Variants in NUP160 observed in about 807,000 individuals in gnomAD.
NUP160 encodes nuclear pore complex protein Nup160.
A neutral mutation model predicts 196.9 loss-of-function variants in NUP160; 94 were observed. That is an observed-to-expected ratio of 0.48 (90% CI 0.40 to 0.57). The LOEUF is 0.57. Among genes scored for constraint, NUP160 ranks in the 20% least tolerant of loss-of-function variants. The pLI is 0.00. For synonymous variants in NUP160, 605 were observed against 619.7 expected (o/e 0.98, Z 0.35); for missense variants, 1,638 against 1,748.3 (o/e 0.94, Z 1.13).
intron 23 of NUP160, among the ~76,000 whole-genome samples, chr11:47,799,675 A>C (rs1459922860): frequency 6.6e-6 from 1 of 152,022 alleles, no homozygotes; most frequent in Non-Finnish European, 1.5e-5. Context: ...CCACCTGAGC[A>C]GCTGGGACCA....
At chr11:47,787,065 G>A (rs1053958383) in intron 31 of NUP160, 1 of 145,192 alleles carries the variant, frequency 6.9e-6, no homozygotes, top group Non-Finnish European at 1.5e-5. Flanking sequence ...TGGGATAACA[G>A]GTATGAGCCA....
intron 20 of NUP160, 77 bp from the exon 21 acceptor site, chr11:47,804,695 A>T: frequency 1.0e-6 from 1 of 962,518 alleles, no homozygotes; most frequent in Non-Finnish European, 1.5e-6. Flanking sequence ...AAATTCAGAA[A>T]AGTCCATAAA....
chr11:47,817,868 C>T (rs1851770075), intron 11 of NUP160, among the ~76,000 whole-genome samples, 188 bp downstream of exon 11: 1 of 152,156 alleles, frequency 6.6e-6, no homozygotes, highest in South Asian at 2.1e-4. Flanking sequence ...CCCCTCCAAC[C>T]TCTCCACCAT....
chr11:47,796,274 G>C, intron 27 of NUP160: 1 of 681,188 alleles, frequency 1.5e-6, no homozygotes, highest in Admixed American at 2.0e-5. Context: ...TCAGAAAGCT[G>C]TGGACTCACA....
chr11:47,792,922 C>T, exon 28 of NUP160: 1 of 1,613,790 alleles, frequency 6.2e-7, no homozygotes, highest in Non-Finnish European at 8.5e-7. Flanking sequence ...AAGCCGCATT[C>T]CATACTCAAA....
At chr11:47,819,830 T>C (rs1232373799) in intron 9 of NUP160, among the ~76,000 whole-genome samples, 4 of 152,226 alleles carry the variant, frequency 2.6e-5, no homozygotes, top group African/African-American at 4.8e-5. Flanking sequence ...TTAGACATTA[T>C]TCATGTATGC....
chr11:47,848,031 G>T, intron 1 of NUP160, 72 bp from the exon 2 acceptor site: 2 of 1,350,902 alleles, frequency 1.5e-6, no homozygotes, highest in East Asian at 2.3e-5. Flanking sequence ...AGCTGACAAA[G>T]CAGAGAGTGA....
chr11:47,806,723 G>T (rs1243215057), intron 19 of NUP160, among the ~76,000 whole-genome samples: 1 of 149,184 alleles, frequency 6.7e-6, no homozygotes, highest in East Asian at 2.0e-4. Context: ...AAGTTACCAT[G>T]AACGAATAAA....
At chr11:47,822,050 T>C (rs745835162) in intron 8 of NUP160, 37 bp downstream of exon 8, 2 of 1,349,286 alleles carry the variant, frequency 1.5e-6, no homozygotes, top group Non-Finnish European at 2.1e-6. Context: ...TTCTTTTTCT[T>C]GTACTTATGT....
chr11:47,808,938 AAAAATTAC>A (rs1479644779), intron 17 of NUP160, among the ~76,000 whole-genome samples: 3 of 151,960 alleles, frequency 2.0e-5, no homozygotes, highest in Non-Finnish European at 4.4e-5. Context: ...CGTCTGTAGT[AAAAATTAC>A]AAAAATTAGC....
In NUP160 at chr11:47,801,806, T is replaced by C; in HGVS notation, c.2895+5A>G. The C allele has an allele frequency of 6.2e-7, 1 of 1,613,692 alleles. No homozygotes were observed. Among genetic ancestry groups the C allele is most frequent in the Non-Finnish European group, 8.5e-7 (1 of 1,179,782 alleles). On this transcript the variant is annotated splice_donor_5th_base_variant and intron_variant, in intron 23 of 35. Transcript: ENST00000378460. ...GGTATAAGGCCAAACCAAGACATGA[T>C]GTACCTTGTCATAATACTGCAGCCT...
Position 47,797,969 on chromosome 11 carries a change from T to C in NUP160, c.3183+9A>G, listed in dbSNP as rs1178159465. The C allele has an allele frequency of 6.4e-7, 1 of 1,565,738 alleles. No individual in the cohort carries two copies. Among genetic ancestry groups the C allele is most frequent in the East Asian group, 2.3e-5 (1 of 44,398 alleles). ...TTGTTGAAAGCCATCACTGGATAAGTAAAATTACCTCATTATGCAGATTCA... is the reference window on the plus strand; with the variant it reads ...TTGTTGAAAGCCATCACTGGATAAGCAAAATTACCTCATTATGCAGATTCA... On this transcript the variant is annotated intron_variant, in intron 26 of 35. Transcript: ENST00000378460.
At chr11:47,781,949 T>C (rs914209382) in intron 34 of NUP160, among the ~76,000 whole-genome samples, 1 of 152,102 alleles carries the variant, frequency 6.6e-6, no homozygotes, top group African/African-American at 2.4e-5. Flanking sequence ...TAGTTCAATT[T>C]ACTCTCAGAT....
intron 17 of NUP160, 145 bp downstream of exon 17, chr11:47,811,919 A>T: frequency 1.6e-6 from 1 of 644,782 alleles, no homozygotes; most frequent in Non-Finnish European, 2.7e-6. Context: ...TTTATAGAGC[A>T]TCTCATAAGG....
At chr11:47,783,077 A>G in exon 34 of NUP160, 1 of 1,613,192 alleles carries the variant, frequency 6.2e-7, no homozygotes, top group Non-Finnish European at 8.5e-7. Context: ...GCCTACCTCA[A>G]TTCCGAAGTA....
At chr11:47,812,340 T>C in exon 16 of NUP160, 1 of 1,614,186 alleles carries the variant, frequency 6.2e-7, no homozygotes, top group South Asian at 1.1e-5. Context: ...TTCTGTTTCA[T>C]AATCCATTTC....
chr11:47,826,054 TG>T, intron 7 of NUP160, among the ~76,000 whole-genome samples: 1 of 152,342 alleles, frequency 6.6e-6, no homozygotes, highest in Non-Finnish European at 1.5e-5. Context: ...TTATATCCAT[TG>T]TAGCCTGAAC....
chr11:47,784,654 G>C (rs60147425), intron 33 of NUP160: 1 of 215,622 alleles, frequency 4.6e-6, no homozygotes, highest in Non-Finnish European at 9.1e-6. Context: ...CCCAAAGTAC[G>C]TAAGTCAATA....
intron 27 of NUP160, among the ~76,000 whole-genome samples, chr11:47,795,630 C>T (rs138531897): frequency 7.4e-4 from 113 of 152,234 alleles, no homozygotes; most frequent in Middle Eastern, 3.4e-3. Context: ...TCTCACATTC[C>T]GCTCACATTC....
Sources: allele counts gnomAD v4.1 joint callset (sites outside exome capture counted in the v4.1 genomes callset), GRCh38; gene constraint gnomAD v4.1.1; transcripts MANE v1.5; gene names NCBI Gene and HGNC (gene_info 2026-07-23, HGNC 2026-07-21).